The following YAP1 variants were observed in gnomAD, a reference collection of about 807,000 sequenced individuals.
YAP1 encodes transcriptional coactivator YAP1.
A neutral mutation model predicts 56.9 loss-of-function variants in YAP1; 5 were observed. That is an observed-to-expected ratio of 0.09 (90% CI 0.05 to 0.18). YAP1 has a LOEUF of 0.18. Among genes scored for constraint, YAP1 ranks in the 10% least tolerant of loss-of-function variants. YAP1 has a pLI of 1.00. For synonymous variants in YAP1, 265 were observed against 248.1 expected (o/e 1.07, Z -0.64); for missense variants, 539 against 651.8 (o/e 0.83, Z 1.88).
intron 6 of YAP1, among the ~76,000 whole-genome samples, chr11:102,211,357 G>A (rs1006377748): frequency 6.6e-6 from 1 of 152,138 alleles, no homozygotes; most frequent in African/African-American, 2.4e-5. Context: ...CTTATTAGTA[G>A]TAAAGCTTCT....
chr11:102,150,802 G>GTTTTTTTTTTTTTT (rs370378973), intron 2 of YAP1, among the ~76,000 whole-genome samples: 8 of 108,046 alleles, frequency 7.4e-5, no homozygotes, highest in Non-Finnish European at 1.3e-4. Flanking sequence ...CATACAAATG[G>GTTTTTTTTTTTTTT]TTTTTTTTTT....
At chr11:102,224,060 CT>C (rs1950078290) in intron 7 of YAP1, among the ~76,000 whole-genome samples, 1 of 152,186 alleles carries the variant, frequency 6.6e-6, no homozygotes, top group Non-Finnish European at 1.5e-5. Context: ...ATGTGAATGC[CT>C]TTCTGTGAAA....
rs1950420989 is a variant in YAP1 at position 102,231,024 on chromosome 11, C to G, written c.*1084C>G. The G allele has an allele frequency of 6.6e-6, 1 of 152,064 alleles. No individual in the cohort carries two copies. Among genetic ancestry groups the G allele is most frequent in the Non-Finnish European group, 1.5e-5 (1 of 68,018 alleles). The allele number at this position is 152,064 out of a possible 1,614,324, so 9.4% of individuals were successfully genotyped here. ...TTTATATTTCACTGGTAGTTTAAATCTGGTTGGGGCAGTCTGCAGATGTTT... is the reference window on the plus strand; with the variant it reads ...TTTATATTTCACTGGTAGTTTAAATGTGGTTGGGGCAGTCTGCAGATGTTT... On this transcript the variant is annotated 3_prime_UTR_variant, in exon 9 of 9. Transcript: ENST00000282441.
chr11:102,229,516 CA>C (rs1950361781), intron 8 of YAP1, among the ~76,000 whole-genome samples, 185 bp from the exon 9 acceptor site: 2 of 152,118 alleles, frequency 1.3e-5, no homozygotes, highest in African/African-American at 2.4e-5. Flanking sequence ...AATGTTGAAG[CA>C]AAAGTAAACT....
chr11:102,142,427 T>C (rs1945075229), intron 2 of YAP1, among the ~76,000 whole-genome samples: 1 of 152,194 alleles, frequency 6.6e-6, no homozygotes, highest in East Asian at 1.9e-4. Flanking sequence ...TTAAAGAAGT[T>C]TGAGATTTTA....
chr11:102,176,330 A>C (rs1230710872), intron 3 of YAP1, among the ~76,000 whole-genome samples: 2 of 152,226 alleles, frequency 1.3e-5, no homozygotes, highest in African/African-American at 4.8e-5. Flanking sequence ...AGAGTGATGA[A>C]CACAAAACAA....
intron 3 of YAP1, among the ~76,000 whole-genome samples, chr11:102,163,240 A>G (rs1438156299): frequency 1.3e-5 from 2 of 152,172 alleles, no homozygotes; most frequent in Admixed American, 1.3e-4. Flanking sequence ...AATGGGGAGT[A>G]ACAGTGCCCC....
chr11:102,212,680 G>A (rs1452334206), intron 6 of YAP1, among the ~76,000 whole-genome samples: 1 of 152,058 alleles, frequency 6.6e-6, no homozygotes, highest in Non-Finnish European at 1.5e-5. Context: ...TGCCTCCCGG[G>A]TTCAAATGAT....
chr11:102,195,284 G>C (rs924276866), intron 4 of YAP1, among the ~76,000 whole-genome samples: 1 of 151,938 alleles, frequency 6.6e-6, no homozygotes, highest in African/African-American at 2.4e-5. Context: ...ATTTCTTTTT[G>C]TTTTCTTTTA....
At chr11:102,133,218 TAA>T (rs1944470867) in intron 2 of YAP1, among the ~76,000 whole-genome samples, 1 of 152,198 alleles carries the variant, frequency 6.6e-6, no homozygotes, top group Admixed American at 6.5e-5. Context: ...GGATTTTACT[TAA>T]AAAGATTTTT....
intron 4 of YAP1, among the ~76,000 whole-genome samples, chr11:102,203,579 G>A (rs972282748): frequency 1.3e-5 from 2 of 152,136 alleles, no homozygotes; most frequent in Non-Finnish European, 2.9e-5. Flanking sequence ...AAAGAGATTG[G>A]CCATGTATTA....
chr11:102,201,001 G>A (rs540008472), intron 4 of YAP1, among the ~76,000 whole-genome samples: 2 of 152,242 alleles, frequency 1.3e-5, no homozygotes, highest in South Asian at 2.1e-4. Flanking sequence ...GGGGTGGGGC[G>A]GTGGTGTAAA....
Position 102,110,802 on chromosome 11 carries a change from C to T in YAP1, c.-47C>T. 1.5e-6 allele frequency: 2 copies of T among 1,311,016 alleles called. No homozygotes were observed. Among genetic ancestry groups the T allele is most frequent in the Non-Finnish European group, 1.9e-6 (2 of 1,035,064 alleles). 81.2% of individuals were successfully genotyped at this position (1,311,016 alleles called of 1,614,324 possible). ...TGGAGCCGGGGCGTCCGGGCGTAGC[C>T]CTCGCTCGCCTGGGTCAGGGGGTGC... is the stretch of plus-strand genomic sequence containing the variant. On this transcript the variant is annotated 5_prime_UTR_variant, in exon 1 of 9. Transcript: ENST00000282441.
At chr11:102,211,483 A>G (rs1186408584) in intron 6 of YAP1, among the ~76,000 whole-genome samples, 1 of 152,212 alleles carries the variant, frequency 6.6e-6, no homozygotes, top group Non-Finnish European at 1.5e-5. Context: ...TTGGTTTGTT[A>G]TATATGCTTT....
chr11:102,165,840 G>A (rs1946572663), intron 3 of YAP1, among the ~76,000 whole-genome samples: 2 of 152,148 alleles, frequency 1.3e-5, no homozygotes, highest in South Asian at 2.1e-4. Flanking sequence ...AACCACTAAC[G>A]AACGTCCTGG....
intron 1 of YAP1, among the ~76,000 whole-genome samples, chr11:102,113,943 A>T (rs973901853): frequency 6.6e-6 from 1 of 152,042 alleles, no homozygotes. Flanking sequence ...AATTACAAAC[A>T]TTTATAAAAT....
chr11:102,204,232 A>G (rs1191446694), intron 4 of YAP1, among the ~76,000 whole-genome samples: 1 of 151,456 alleles, frequency 6.6e-6, no homozygotes, highest in Non-Finnish European at 1.5e-5. Context: ...AAAAGGGGAA[A>G]AAAAAAAAAA....
chr11:102,202,148 G>GT, intron 4 of YAP1, among the ~76,000 whole-genome samples: 1 of 151,868 alleles, frequency 6.6e-6, no homozygotes. Flanking sequence ...AGGTAGCAGA[G>GT]TATCAGAATT....
At chr11:102,136,691 T>C (rs558591716) in intron 2 of YAP1, among the ~76,000 whole-genome samples, 1 of 152,326 alleles carries the variant, frequency 6.6e-6, no homozygotes, top group Admixed American at 6.5e-5. Flanking sequence ...TATATGTCTT[T>C]AATCTTCTCA....
Sources: allele counts gnomAD v4.1 joint callset (sites outside exome capture counted in the v4.1 genomes callset), GRCh38; gene constraint gnomAD v4.1.1; transcripts MANE v1.5; gene names NCBI Gene and HGNC (gene_info 2026-07-23, HGNC 2026-07-21).